Variants in PIK3C2G observed in about 807,000 individuals in gnomAD.
PIK3C2G encodes the protein phosphatidylinositol-4-phosphate 3-kinase catalytic subunit type 2 gamma.
A neutral mutation model predicts 181.1 loss-of-function variants in PIK3C2G; 168 were observed. The observed-to-expected ratio is 0.93, with a 90% CI of 0.82 to 1.05. The LOEUF (loss-of-function observed/expected upper bound fraction) is 1.05, where lower values mean the gene tolerates loss of function less well. Ranked by LOEUF, PIK3C2G falls within the 50% of genes least tolerant of loss-of-function variation. The probability of loss-of-function intolerance (pLI) is 0.00; values close to 1 mark genes in which losing one functional copy is unlikely to be tolerated. For missense variants in PIK3C2G, 1,869 were observed against 1,732.8 expected (o/e 1.08, Z -1.40); for synonymous variants, 573 against 592.2 (o/e 0.97, Z 0.47).
intron 18 of PIK3C2G, among the ~76,000 whole-genome samples, chr12:18,479,805 C>T (rs1213398015): frequency 4.6e-5 from 7 of 152,082 alleles, no homozygotes; most frequent in Non-Finnish European, 1.0e-4. Context: ...GAGTTGTTGT[C>T]CAGAAAGCTG....
chr12:18,326,842 A>G (rs1951367762), intron 8 of PIK3C2G, among the ~76,000 whole-genome samples: 1 of 152,080 alleles, frequency 6.6e-6, no homozygotes, highest in Admixed American at 6.5e-5. Flanking sequence ...AATACTTTTG[A>G]GGTTATGGTA....
intron 18 of PIK3C2G, among the ~76,000 whole-genome samples, chr12:18,474,702 T>C (rs952962808): frequency 1.3e-5 from 2 of 152,082 alleles, no homozygotes; most frequent in African/African-American, 4.8e-5. Flanking sequence ...TTGTCCAACA[T>C]AAAATACTAA....
chr12:18,497,742 G>T lies in PIK3C2G; in HGVS notation c.3010G>T (p.Asp1004Tyr). 3 of 1,611,690 alleles carry T rather than the reference G, an allele frequency of 1.9e-6. No individual in the cohort carries two copies. The highest frequency in any genetic ancestry group is 2.5e-6 in the Non-Finnish European group (3 of 1,178,626). ...IIYRCLSTGK[D>Y]QGLVQMVPDA... ...TTATAGATGTCTATCCACAGGAAAA[G>T]ACCAAGGTCAGTATAGATTAGAAAG... The change falls in exon 22 of 33, where the codon GAC (aspartate) becomes TAC (tyrosine). Residue 1004 changes from aspartate (D) to tyrosine (Y), a missense_variant. Asp to Tyr is a radical substitution (Grantham distance 160). Transcript: ENST00000538779.
chr12:18,273,254 G>C (rs189263055), intron 1 of PIK3C2G, among the ~76,000 whole-genome samples: 1 of 152,158 alleles, frequency 6.6e-6, no homozygotes, highest in East Asian at 1.9e-4. Context: ...GCTTGTTTTT[G>C]TCAGGTTTGT....
chr12:18,514,375 T>C (rs1942399706), intron 24 of PIK3C2G, among the ~76,000 whole-genome samples: 7 of 151,940 alleles, frequency 4.6e-5, no homozygotes, highest in Admixed American at 3.3e-4. Flanking sequence ...ATTGATTTTA[T>C]TTCAATCCCT....
upstream of PIK3C2G, among the ~76,000 whole-genome samples, chr12:18,246,638 A>G (rs1948042917): frequency 6.6e-6 from 1 of 152,156 alleles, no homozygotes; most frequent in Admixed American, 6.5e-5. Context: ...ATCTGTTCAC[A>G]GAATTTTTGT....
chr12:18,684,157 T>G, the PIK3C2G span: 4 of 1,611,980 alleles, frequency 2.5e-6, no homozygotes, highest in Non-Finnish European at 2.5e-6. Flanking sequence ...AGTGGCAAAG[T>G]ATATTGCCCA....
At chr12:18,706,338 G>A in the PIK3C2G span, among the ~76,000 whole-genome samples, 1 of 151,828 alleles carries the variant, frequency 6.6e-6, no homozygotes, top group Non-Finnish European at 1.5e-5. Context: ...AAAGTAGCAT[G>A]CTATATTTTT....
intron 30 of PIK3C2G, among the ~76,000 whole-genome samples, chr12:18,594,799 A>G (rs1947268832): frequency 6.6e-6 from 1 of 151,908 alleles, no homozygotes; most frequent in Admixed American, 6.6e-5. Context: ...TGAAAGGTTG[A>G]CTCTATTTTG....
At chr12:18,661,246 C>A in the PIK3C2G span, among the ~76,000 whole-genome samples, 1 of 152,008 alleles carries the variant, frequency 6.6e-6, no homozygotes, top group Non-Finnish European at 1.5e-5. Flanking sequence ...AGAAATAGTA[C>A]CCCAAATATT....
chr12:18,550,522 C>T (rs923867561), intron 26 of PIK3C2G, among the ~76,000 whole-genome samples: 7 of 151,020 alleles, frequency 4.6e-5, no homozygotes, highest in Non-Finnish European at 1.0e-4. Context: ...GCACATAATT[C>T]ACCAAAAAAA....
chr12:18,466,055 GT>G (rs1937841525), intron 18 of PIK3C2G, among the ~76,000 whole-genome samples: 1 of 151,314 alleles, frequency 6.6e-6, no homozygotes. Context: ...GTGTGTATAT[GT>G]GTATTTATGT....
intron 29 of PIK3C2G, among the ~76,000 whole-genome samples, chr12:18,593,322 T>G (rs1318012099): frequency 6.6e-6 from 1 of 151,964 alleles, no homozygotes; most frequent in East Asian, 1.9e-4. Context: ...GACACATTTT[T>G]TTTTCCATTG....
chr12:18,478,755 G>A (rs951771074), intron 18 of PIK3C2G, among the ~76,000 whole-genome samples: 10 of 152,026 alleles, frequency 6.6e-5, no homozygotes, highest in East Asian at 1.9e-4. Context: ...AGGCCAGATC[G>A]CTTGAGCCCA....
chr12:18,677,290 A>T, the PIK3C2G span, among the ~76,000 whole-genome samples: 1 of 152,148 alleles, frequency 6.6e-6, no homozygotes, highest in Non-Finnish European at 1.5e-5. Flanking sequence ...CGAGCAAGAC[A>T]GTTTCTAGAA....
At chr12:18,507,469 A>T (rs1268330986) in intron 24 of PIK3C2G, among the ~76,000 whole-genome samples, 2 of 152,226 alleles carry the variant, frequency 1.3e-5, no homozygotes, top group Non-Finnish European at 2.9e-5. Flanking sequence ...ACAGACACAT[A>T]AATGATTATT....
At chr12:18,470,526 A>T (rs907207181) in intron 18 of PIK3C2G, among the ~76,000 whole-genome samples, 1 of 152,174 alleles carries the variant, frequency 6.6e-6, no homozygotes, top group Non-Finnish European at 1.5e-5. Context: ...TGTGCACTTT[A>T]AAATGTGAAG....
At chr12:18,268,841 C>A (rs1948621487) in intron 1 of PIK3C2G, among the ~76,000 whole-genome samples, 1 of 152,080 alleles carries the variant, frequency 6.6e-6, no homozygotes, top group African/African-American at 2.4e-5. Flanking sequence ...CTAGATCTTT[C>A]TCTAAATCAT....
At chr12:18,726,314 C>A in the PIK3C2G span, among the ~76,000 whole-genome samples, 1 of 152,178 alleles carries the variant, frequency 6.6e-6, no homozygotes, top group Non-Finnish European at 1.5e-5. Context: ...GTAATAAAAT[C>A]ATTTGTCTCC....
Sources: allele counts gnomAD v4.1 joint callset (sites outside exome capture counted in the v4.1 genomes callset), GRCh38; gene constraint gnomAD v4.1.1; transcripts MANE v1.5; gene names NCBI Gene and HGNC (gene_info 2026-07-23, HGNC 2026-07-21).